Variants in CNNM2 observed in about 807,000 individuals in gnomAD.
The protein encoded by CNNM2 is cyclin and CBS domain divalent metal cation transport mediator 2.
A neutral mutation model predicts 66.9 loss-of-function variants in CNNM2; 12 were observed. That is an observed-to-expected ratio of 0.18 (90% CI 0.11 to 0.29). The LOEUF is 0.29. Among genes scored for constraint, CNNM2 ranks in the 10% least tolerant of loss-of-function variants. The pLI is 1.00. For synonymous variants in CNNM2, 557 were observed against 501.8 expected, an observed-to-expected ratio of 1.11 and a Z score of -1.47; for missense variants, 705 against 1,167.7, an observed-to-expected ratio of 0.60 and a Z score of 5.77.
At chr10:102,969,138 C>T (rs1201388423) in intron 1 of CNNM2, among the ~76,000 whole-genome samples, 1 of 151,782 alleles carries the variant, frequency 6.6e-6, no homozygotes, top group Non-Finnish European at 1.5e-5. Context: ...TAGTTTTGAA[C>T]TCCTGGGCTC....
intron 1 of CNNM2, among the ~76,000 whole-genome samples, chr10:102,942,487 T>C (rs1378590543): frequency 6.6e-6 from 1 of 152,244 alleles, no homozygotes; most frequent in Non-Finnish European, 1.5e-5. Context: ...TTGTAGCATG[T>C]GTCAGAAATT....
intron 1 of CNNM2, among the ~76,000 whole-genome samples, chr10:103,019,303 A>G (rs1374599712): frequency 6.6e-6 from 1 of 151,942 alleles, no homozygotes; most frequent in East Asian, 1.9e-4. Flanking sequence ...GAAATACTGA[A>G]CAAGATGAGG....
At position 103,089,981 on chromosome 10, in the gene CNNM2, T is replaced by C; in HGVS notation, c.*12801T>C. 2 of 1,252,992 alleles carry C rather than the reference T, an allele frequency of 1.6e-6. No individual in the cohort carries two copies. Among genetic ancestry groups the C allele is most frequent in the Non-Finnish European group, 2.2e-6 (2 of 907,960 alleles). The allele number at this position is 1,252,992 out of a possible 1,614,324, so 77.6% of individuals were successfully genotyped here. On this transcript the variant is annotated 3_prime_UTR_variant, in exon 8 of 8. Coordinates refer to ENST00000369878, the MANE Select transcript of CNNM2 (RefSeq NM_017649.5). ...GCTACTCCCCAAATCCTAACCCCTCTCCTCTGTTAGGTGGCCATGCAATTA... is the reference window on the plus strand; with the variant it reads ...GCTACTCCCCAAATCCTAACCCCTCCCCTCTGTTAGGTGGCCATGCAATTA...
chr10:102,919,652 A>T lies in CNNM2; in HGVS notation c.1172A>T (p.Tyr391Phe). 1 of 1,614,004 alleles carries T rather than the reference A, an allele frequency of 6.2e-7. No homozygotes were observed. Residue 391 changes from tyrosine (Y) to phenylalanine (F), a missense_variant, in exon 1 of 8, where the codon TAC becomes TTC. Transcript: ENST00000369878. ...ATGATGATGACCTTCCCCGCTTCCT[A>T]CCCGGTCAGCAAGCTGCTGGACTGC... ...FFMMMTFPASYPVSKLLDCVL... is the reference protein window; with the variant it reads ...FFMMMTFPASFPVSKLLDCVL...
At chr10:103,053,269 C>T (rs980862447) in intron 2 of CNNM2, among the ~76,000 whole-genome samples, 15 of 152,124 alleles carry the variant, frequency 9.9e-5, no homozygotes, top group Non-Finnish European at 1.6e-4. Context: ...AATCCCAGCA[C>T]TTTGGGAGGC....
chr10:102,923,168 G>T (rs1470917340), intron 1 of CNNM2, among the ~76,000 whole-genome samples: 1 of 151,592 alleles, frequency 6.6e-6, no homozygotes, highest in Non-Finnish European at 1.5e-5. Flanking sequence ...TCACTGTGTT[G>T]CCCAGGCTGG....
chr10:103,028,380 A>G (rs1376350868), intron 1 of CNNM2, among the ~76,000 whole-genome samples: 2 of 152,176 alleles, frequency 1.3e-5, no homozygotes, highest in Non-Finnish European at 2.9e-5. Flanking sequence ...TTCAGGTTGA[A>G]TTCATGTTTT....
chr10:102,950,665 G>T (rs1217083845), intron 1 of CNNM2, among the ~76,000 whole-genome samples: 1 of 151,962 alleles, frequency 6.6e-6, no homozygotes, highest in Non-Finnish European at 1.5e-5. Context: ...GAGGCTGGAG[G>T]ATCGCTTAAG....
chr10:102,966,256 A>G (rs752073421), intron 1 of CNNM2, among the ~76,000 whole-genome samples: 1 of 152,222 alleles, frequency 6.6e-6, no homozygotes, highest in Non-Finnish European at 1.5e-5. Flanking sequence ...TAATGGTTTG[A>G]TGGATGGAGG....
intron 1 of CNNM2, among the ~76,000 whole-genome samples, chr10:102,965,783 T>C (rs2063454144): frequency 1.3e-5 from 2 of 152,228 alleles, no homozygotes; most frequent in African/African-American, 4.8e-5. Context: ...AAGCAGATAA[T>C]TTTCCTAAGT....
At chr10:103,044,677 G>A (rs1173201208) in intron 1 of CNNM2, among the ~76,000 whole-genome samples, 2 of 152,232 alleles carry the variant, frequency 1.3e-5, no homozygotes, top group East Asian at 3.8e-4. Flanking sequence ...CCTGAGTGAA[G>A]GAGAGAGGTG....
chr10:103,051,733 C>T (rs1564861857), intron 2 of CNNM2, among the ~76,000 whole-genome samples: 1 of 151,806 alleles, frequency 6.6e-6, no homozygotes, highest in Non-Finnish European at 1.5e-5. Context: ...GAGTGAGACT[C>T]TCTCAAAATA....
chr10:102,924,942 C>T (rs1396062244), intron 1 of CNNM2, among the ~76,000 whole-genome samples: 1 of 152,086 alleles, frequency 6.6e-6, no homozygotes, highest in African/African-American at 2.4e-5. Context: ...AGAATCAGAG[C>T]TGGAAGGCAG....
chr10:103,027,987 T>C (rs1043325557), intron 1 of CNNM2, among the ~76,000 whole-genome samples: 4 of 152,206 alleles, frequency 2.6e-5, no homozygotes, highest in Non-Finnish European at 5.9e-5. Context: ...ACACCCATAC[T>C]TGTCTAATTT....
chr10:103,049,913 A>G (rs1372607099), intron 2 of CNNM2, 63 bp downstream of exon 2: 1 of 1,545,562 alleles, frequency 6.5e-7, no homozygotes, highest in Non-Finnish European at 8.8e-7. Flanking sequence ...GCTGTTTGTG[A>G]GTCTTCTGAC....
At chr10:103,023,687 G>C (rs1413860360) in intron 1 of CNNM2, among the ~76,000 whole-genome samples, 1 of 152,134 alleles carries the variant, frequency 6.6e-6, no homozygotes, top group Non-Finnish European at 1.5e-5. Context: ...ATTTCAACAA[G>C]AGATTTGGAG....
At chr10:102,947,944 T>C (rs953322737) in intron 1 of CNNM2, among the ~76,000 whole-genome samples, 1 of 151,966 alleles carries the variant, frequency 6.6e-6, no homozygotes, top group Non-Finnish European at 1.5e-5. Flanking sequence ...TCCCAGCTAC[T>C]CAGGAGGCTG....
chr10:103,002,157 G>A (rs753520774), intron 1 of CNNM2, among the ~76,000 whole-genome samples: 6 of 152,106 alleles, frequency 3.9e-5, no homozygotes, highest in Non-Finnish European at 8.8e-5. Flanking sequence ...AAAAATTTCT[G>A]CTCCTAAAGG....
chr10:102,992,229 A>T (rs565546566), intron 1 of CNNM2, among the ~76,000 whole-genome samples: 1 of 142,750 alleles, frequency 7.0e-6, no homozygotes, highest in Non-Finnish European at 1.5e-5. Context: ...AGGTACCCAC[A>T]TTGTAGTGGG....
Sources: allele counts gnomAD v4.1 joint callset (sites outside exome capture counted in the v4.1 genomes callset), GRCh38; gene constraint gnomAD v4.1.1; transcripts MANE v1.5; gene names NCBI Gene and HGNC (gene_info 2026-07-23, HGNC 2026-07-21).